Variants in GSN observed in about 807,000 individuals in gnomAD.
GSN encodes gelsolin.
GSN carries 56 observed loss-of-function variants against 85.7 expected under a neutral mutation model. That is an observed-to-expected ratio of 0.65 (90% CI 0.53 to 0.82). The LOEUF is 0.82. Ranked by LOEUF, GSN falls within the 40% of genes least tolerant of loss-of-function variation. The probability of loss-of-function intolerance (pLI) is 0.00; values close to 1 mark genes in which losing one functional copy is unlikely to be tolerated. For synonymous variants in GSN, 373 were observed against 399.1 expected, an observed-to-expected ratio of 0.93 and a Z score of 0.78; for missense variants, 857 against 979.8, an observed-to-expected ratio of 0.87 and a Z score of 1.67.
At chr9:121,245,883 GC>G in intron 5 of GSN, among the ~76,000 whole-genome samples, 1 of 152,168 alleles carries the variant, frequency 6.6e-6, no homozygotes, top group Non-Finnish European at 1.5e-5. Context: ...CTCTTGAGTA[GC>G]TAGGACTACA....
At position 121,329,318 on chromosome 9, in the gene GSN, G is replaced by C; in HGVS notation, c.1965+3G>C. On this transcript the variant is annotated splice_donor_region_variant and intron_variant, in intron 16 of 17. Coordinates refer to ENST00000432226, the MANE Select transcript of GSN (RefSeq NM_198252.3). This position sits in a 1 kb window ranked among gnomAD's most constrained non-coding sequence, Gnocchi z 4.6. ...TGCTTCTGGACACCTGGGACCAGGT[G>C]GGTGAAGGACAGGTGAAGGCTCTCT... 6.4e-7 allele frequency: 1 copy of C among 1,572,814 alleles called. No homozygotes were observed. Among genetic ancestry groups the C allele is most frequent in the Non-Finnish European group, 8.8e-7 (1 of 1,142,338 alleles).
intron 8 of GSN, chr9:121,317,425 G>A: frequency 1.7e-6 from 1 of 592,862 alleles, no homozygotes; most frequent in East Asian, 3.0e-5. Flanking sequence ...TCAGATTCCT[G>A]ATCTGGGCTA....
chr9:121,228,651 C>A (rs1350137397), intron 4 of GSN, among the ~76,000 whole-genome samples: 3 of 151,766 alleles, frequency 2.0e-5, no homozygotes, highest in Non-Finnish European at 4.4e-5. Flanking sequence ...TCTCAAACTC[C>A]TGGACTCAAG....
In GSN at chr9:121,299,774, C is replaced by A. The variant is rs886107673; in HGVS notation, c.-9-2189C>A. The A allele has an allele frequency of 8.2e-7, 1 of 1,212,928 alleles. No homozygotes were observed. The highest frequency in any genetic ancestry group is 1.0e-6 in the Non-Finnish European group (1 of 967,858). 75.1% of individuals were successfully genotyped at this position (1,212,928 alleles called of 1,614,324 possible). ...CGCGCCCTCCCTGGGGGGCGGTCCCCGGCTTGGGCGGGATGGGCGGGCGGC... is the reference window on the plus strand; with the variant it reads ...CGCGCCCTCCCTGGGGGGCGGTCCCAGGCTTGGGCGGGATGGGCGGGCGGC... On this transcript the variant is annotated intron_variant, in intron 2 of 17. Transcript: ENST00000432226. This position sits in a 1 kb window ranked among gnomAD's most constrained non-coding sequence, Gnocchi z 4.2.
At chr9:121,212,790 C>T (rs1361255202) in intron 4 of GSN, among the ~76,000 whole-genome samples, 3 of 151,818 alleles carry the variant, frequency 2.0e-5, no homozygotes, top group Non-Finnish European at 4.4e-5. Context: ...ACTACAGGTG[C>T]GCACCACCAC....
chr9:121,264,913 G>A (rs1386683452), upstream of GSN, among the ~76,000 whole-genome samples: 1 of 152,216 alleles, frequency 6.6e-6, no homozygotes, highest in Admixed American at 6.5e-5. Flanking sequence ...CTTGCTGCTG[G>A]TAAAAGCCAT....
chr9:121,223,234 C>T (rs929796476), intron 4 of GSN, among the ~76,000 whole-genome samples: 3 of 152,146 alleles, frequency 2.0e-5, no homozygotes, highest in South Asian at 4.1e-4. Context: ...TTTCCCTAGC[C>T]CTGGCTTTGA....
chr9:121,231,315 TTTCTTTTTC>T (rs2054383284), intron 5 of GSN: 1 of 152,220 alleles, frequency 6.6e-6, no homozygotes, highest in African/African-American at 2.4e-5. Flanking sequence ...TGACTTTGGA[TTTCTTTTTC>T]TTCTTTTCTA....
At chr9:121,254,229 G>A (rs2054899857) in intron 6 of GSN, among the ~76,000 whole-genome samples, 1 of 152,310 alleles carries the variant, frequency 6.6e-6, no homozygotes, top group South Asian at 2.1e-4. Context: ...CAAAGAAAGG[G>A]AAGCAACTAC....
rs2061413999 is a variant in GSN at position 121,313,690 on chromosome 9, T to A, written c.664-244T>A. On this transcript the variant is annotated intron_variant, in intron 6 of 17. Transcript: ENST00000432226. Reference sequence around the variant, plus strand: ...GGTAGGCGAAATATCTGAAGCGCTGTCTGGAGGCAGAGGAGCAGGAGTGTT... The same window carrying A: ...GGTAGGCGAAATATCTGAAGCGCTGACTGGAGGCAGAGGAGCAGGAGTGTT... 1.2e-5 allele frequency: 7 copies of A among 577,404 alleles called. No individual in the cohort carries two copies. The South Asian group carries it at 1.4e-4, about 11-fold the overall frequency. The allele number at this position is 577,404 out of a possible 1,614,324, so 35.8% of individuals were successfully genotyped here. A position where few individuals can be genotyped will look rare whatever the true frequency, so the allele number is the denominator to read the frequency against.
chr9:121,306,902 C>T (rs535570971), intron 4 of GSN, among the ~76,000 whole-genome samples: 30 of 152,268 alleles, frequency 2.0e-4, no homozygotes, highest in African/African-American at 5.5e-4. Context: ...GTTATAAGGC[C>T]GGGTGCGGTG....
At position 121,295,254 on chromosome 9, in the gene GSN, G is replaced by A. The variant is rs183535731; in HGVS notation, c.-9-6709G>A. Reference sequence around the variant, plus strand: ...GATTGCAGAAGCTGAGTCCAGATTCGCAAACCTGTCCACAGGGCTTGCCGG... The same window carrying A: ...GATTGCAGAAGCTGAGTCCAGATTCACAAACCTGTCCACAGGGCTTGCCGG... On this transcript the variant is annotated intron_variant, in intron 2 of 17. Coordinates refer to ENST00000432226, the MANE Select transcript of GSN (RefSeq NM_198252.3). 8.5e-5 allele frequency among the ~76,000 whole-genome samples: 13 copies of A among 152,272 alleles called. No individual in the cohort carries two copies. In the East Asian group the frequency reaches 2.3e-3, roughly 27 times the overall value.
chr9:121,285,556 A>T (rs912652811), intron 2 of GSN: 2 of 165,048 alleles, frequency 1.2e-5, no homozygotes, highest in African/African-American at 4.8e-5. Context: ...AAAAAAAATT[A>T]TTAATCTTGG....
At chr9:121,271,770 G>A (rs999739877) in intron 1 of GSN, among the ~76,000 whole-genome samples, 2 of 152,194 alleles carry the variant, frequency 1.3e-5, no homozygotes, top group Non-Finnish European at 1.5e-5. Context: ...TGTGCCATCC[G>A]CAGGACCCTC....
chr9:121,306,079 C>T (rs900392059), intron 4 of GSN, among the ~76,000 whole-genome samples: 3 of 152,276 alleles, frequency 2.0e-5, no homozygotes, highest in Admixed American at 6.5e-5. Flanking sequence ...CTTGATTCCC[C>T]GCCCCTCCTC....
chr9:121,321,158 A>C (rs2062388438), intron 10 of GSN, 110 bp from the exon 11 acceptor site: 3 of 1,182,576 alleles, frequency 2.5e-6, no homozygotes, highest in Admixed American at 1.7e-5. Flanking sequence ...AAGTGATTAA[A>C]AGTTCATCCC....
At chr9:121,254,766 T>C (rs1380969363) in intron 6 of GSN, among the ~76,000 whole-genome samples, 3 of 152,184 alleles carry the variant, frequency 2.0e-5, no homozygotes, top group African/African-American at 7.2e-5. Flanking sequence ...CTAATACATA[T>C]ATCTAGTTTA....
chr9:121,281,432 TC>T, intron 1 of GSN, 37 bp from the exon 2 acceptor site: 1 of 371,296 alleles, frequency 2.7e-6, no homozygotes, highest in Non-Finnish European at 5.5e-6. Flanking sequence ...GACCTTGAAC[TC>T]CCCCTGAGGC....
chr9:121,226,921 A>G (rs1230004971), intron 4 of GSN, among the ~76,000 whole-genome samples: 1 of 152,188 alleles, frequency 6.6e-6, no homozygotes, highest in African/African-American at 2.4e-5. Context: ...GGCTCTATAA[A>G]TATCCCTGAA....
Sources: allele counts gnomAD v4.1 joint callset (sites outside exome capture counted in the v4.1 genomes callset), GRCh38; gene constraint gnomAD v4.1.1; non-coding constraint Gnocchi (gnomAD v3.1); transcripts MANE v1.5; gene names NCBI Gene and HGNC (gene_info 2026-07-23, HGNC 2026-07-21).